C9orf85: variants seen among roughly 807,000 people sequenced by gnomAD.
The protein encoded by C9orf85 is chromosome 9 open reading frame 85.
A neutral mutation model predicts 14.9 loss-of-function variants in C9orf85; 16 were observed. That is an observed-to-expected ratio of 1.08 (90% CI 0.73 to 1.63). The LOEUF is 1.63. Ranked by LOEUF, C9orf85 falls within the 40% of genes most tolerant of loss-of-function variation. C9orf85 has a pLI of 0.00. For synonymous variants in C9orf85, 45 were observed against 56.8 expected (o/e 0.79, Z 0.93); for missense variants, 172 against 186.1 (o/e 0.92, Z 0.44).
At chr9:71,932,314 C>T (rs1480309685) in intron 1 of C9orf85, among the ~76,000 whole-genome samples, 2 of 152,142 alleles carry the variant, frequency 1.3e-5, no homozygotes, top group Non-Finnish European at 2.9e-5. Flanking sequence ...TCTTTCTTGG[C>T]ATTAATCATA....
chr9:71,930,436 C>A (rs1024161782), intron 1 of C9orf85, among the ~76,000 whole-genome samples: 4 of 152,052 alleles, frequency 2.6e-5, no homozygotes, highest in African/African-American at 9.7e-5. Context: ...ACTTATTACT[C>A]TCCCGTTAAT....
At chr9:71,970,514 C>T (rs1487300009) in intron 2 of C9orf85, among the ~76,000 whole-genome samples, 1 of 151,952 alleles carries the variant, frequency 6.6e-6, no homozygotes, top group Non-Finnish European at 1.5e-5. Flanking sequence ...AATATATTTC[C>T]ACTATTTTGC....
chr9:71,974,769 G>T (rs1822971818), downstream of C9orf85, among the ~76,000 whole-genome samples: 1 of 152,102 alleles, frequency 6.6e-6, no homozygotes, highest in Non-Finnish European at 1.5e-5. Context: ...TCATAGAAAT[G>T]GATTAGAATT....
chr9:71,954,244 T>C lies in C9orf85; in HGVS notation c.209+7132T>C, dbSNP rs576612204. 2.4e-3 allele frequency among the ~76,000 whole-genome samples: 334 copies of C among 140,852 alleles called. 1 individual carries two copies. The highest frequency in any genetic ancestry group is 8.3e-3 in the African/African-American group (313 of 37,898). 92.4% of individuals were successfully genotyped at this position (140,852 alleles called of 152,430 possible). The stretch of plus-strand genomic sequence containing the variant: ...AAGTTCTGCTTTTATATGTGTACTA[T>C]AATGTGAGAGTTGGCTGGGGGGATT... On this transcript the variant is annotated intron_variant, in intron 2 of 3. Coordinates refer to ENST00000334731, the MANE Select transcript of C9orf85 (RefSeq NM_182505.5).
chr9:71,979,977 T>C (rs1468854660), intron 3 of C9orf85, among the ~76,000 whole-genome samples: 1 of 151,862 alleles, frequency 6.6e-6, no homozygotes, highest in Non-Finnish European at 1.5e-5. Context: ...TTGTTTAATA[T>C]AGTTACAAAT....
chr9:71,963,464 C>T (rs572140922), intron 2 of C9orf85, among the ~76,000 whole-genome samples: 4 of 152,246 alleles, frequency 2.6e-5, no homozygotes, highest in East Asian at 3.9e-4. Context: ...TTCAGCCCAC[C>T]GCTGCATTGT....
chr9:71,937,925 C>T (rs960722238), intron 1 of C9orf85, among the ~76,000 whole-genome samples: 6 of 152,136 alleles, frequency 3.9e-5, no homozygotes, highest in South Asian at 4.2e-4. Context: ...GTGGAACAAA[C>T]GTAATTTCCT....
intron 1 of C9orf85, among the ~76,000 whole-genome samples, chr9:71,924,929 G>T (rs1827895431): frequency 6.6e-6 from 1 of 152,048 alleles, no homozygotes; most frequent in Non-Finnish European, 1.5e-5. Flanking sequence ...ATCTATTATT[G>T]ATATAAAATA....
In C9orf85 at chr9:71,924,280, G is replaced by T. The variant is rs1827882232; in HGVS notation, c.102+12444G>T. On this transcript the variant is annotated intron_variant, in intron 1 of 3. Coordinates refer to ENST00000334731, the MANE Select transcript of C9orf85 (RefSeq NM_182505.5). Reference sequence around the variant, plus strand: ...TATCTGCTTATTCTTGAGGTGGAATGACATTTTTAGAACTTTATGGCAAAC... The same window carrying T: ...TATCTGCTTATTCTTGAGGTGGAATTACATTTTTAGAACTTTATGGCAAAC... Among the ~76,000 whole-genome samples the T allele has an allele frequency of 2.0e-5, 3 of 152,300 alleles. No homozygotes were observed. The South Asian group carries it at 6.2e-4, about 32-fold the overall frequency.
At chr9:71,914,161 G>A (rs191382019) in intron 1 of C9orf85, among the ~76,000 whole-genome samples, 1 of 152,212 alleles carries the variant, frequency 6.6e-6, no homozygotes, top group East Asian at 1.9e-4. Flanking sequence ...CTTTACACTG[G>A]AAAGCTATTT....
chr9:71,922,596 G>A (rs1337158451), intron 1 of C9orf85, among the ~76,000 whole-genome samples: 5 of 152,186 alleles, frequency 3.3e-5, no homozygotes, highest in African/African-American at 9.6e-5. Context: ...GTAGCTCCTC[G>A]GAAATACATG....
chr9:71,978,258 C>T (rs1026348951), downstream of C9orf85, among the ~76,000 whole-genome samples: 3 of 151,940 alleles, frequency 2.0e-5, no homozygotes, highest in Non-Finnish European at 2.9e-5. Flanking sequence ...TACAGGTGCC[C>T]GCCACCATGC....
At chr9:71,936,121 G>A (rs1353600999) in intron 1 of C9orf85, among the ~76,000 whole-genome samples, 1 of 152,082 alleles carries the variant, frequency 6.6e-6, no homozygotes, top group Admixed American at 6.5e-5. Flanking sequence ...GGAACAGATT[G>A]TATTGCTAAT....
At chr9:71,963,644 G>C (rs373972237) in intron 2 of C9orf85, among the ~76,000 whole-genome samples, 1 of 152,206 alleles carries the variant, frequency 6.6e-6, no homozygotes, top group Non-Finnish European at 1.5e-5. Flanking sequence ...TTAGCTGGCC[G>C]GCCCTGCCGC....
chr9:71,963,965 C>A (rs141691574), intron 2 of C9orf85, among the ~76,000 whole-genome samples: 1 of 152,310 alleles, frequency 6.6e-6, no homozygotes, highest in Non-Finnish European at 1.5e-5. Context: ...TCTGCAGCCC[C>A]GGAGTGGGAT....
At chr9:71,952,469 A>G (rs1822271730) in intron 2 of C9orf85, among the ~76,000 whole-genome samples, 2 of 152,118 alleles carry the variant, frequency 1.3e-5, no homozygotes, top group Non-Finnish European at 2.9e-5. Flanking sequence ...GGTTCACACA[A>G]TTCTCCTGCC....
At chr9:71,922,094 C>T (rs1315943742) in intron 1 of C9orf85, among the ~76,000 whole-genome samples, 1 of 152,036 alleles carries the variant, frequency 6.6e-6, no homozygotes, top group Non-Finnish European at 1.5e-5. Flanking sequence ...TCGCCCACCA[C>T]AGCTTCTGGC....
intron 2 of C9orf85, among the ~76,000 whole-genome samples, chr9:71,962,262 T>A (rs1258131122): frequency 6.6e-6 from 1 of 152,356 alleles, no homozygotes; most frequent in East Asian, 1.9e-4. Flanking sequence ...ACTTGTAATC[T>A]AGGGACACAA....
In C9orf85 at chr9:71,973,348, T is replaced by C. The variant is rs1267256095; in HGVS notation, c.*506T>C. ...ACAAGATTCAGAATTGATGGTTGTA[T>C]AAGAACTAGCTCATGTAAAAATAAA... is the stretch of plus-strand genomic sequence containing the variant. On this transcript the variant is annotated 3_prime_UTR_variant, in exon 4 of 4. Transcript: ENST00000334731. 6 of 152,196 alleles carry C rather than the reference T, an allele frequency of 3.9e-5. No homozygotes were observed. The highest frequency in any genetic ancestry group is 8.8e-5 in the Non-Finnish European group (6 of 68,038). 9.4% of individuals were successfully genotyped at this position (152,196 alleles called of 1,614,324 possible).
Sources: gnomAD v4.1 joint callset for allele counts (sites outside exome capture counted in the v4.1 genomes callset) on GRCh38, gnomAD v4.1.1 for gene constraint, MANE v1.5 for transcripts, NCBI Gene and HGNC (gene_info 2026-07-23, HGNC 2026-07-21) for gene names.